TRAPPC9: variants seen among roughly 807,000 people sequenced by gnomAD.
TRAPPC9 encodes the protein IKK2 binding protein.
TRAPPC9 carries 83 observed loss-of-function variants against 124.0 expected under a neutral mutation model. The observed-to-expected ratio is 0.67, with a 90% CI of 0.56 to 0.80. The LOEUF (loss-of-function observed/expected upper bound fraction) is 0.80, where lower values mean the gene tolerates loss of function less well. Among genes scored for constraint, TRAPPC9 ranks in the 30% least tolerant of loss-of-function variants. The pLI is 0.00. For synonymous variants in TRAPPC9, 638 were observed against 617.5 expected (o/e 1.03, Z -0.49); for missense variants, 1,302 against 1,508.3 (o/e 0.86, Z 2.27).
At chr8:139,936,293 G>A (rs924017691) in intron 19 of TRAPPC9, among the ~76,000 whole-genome samples, 3 of 152,240 alleles carry the variant, frequency 2.0e-5, no homozygotes, top group African/African-American at 4.8e-5. Context: ...AGTGATTTCC[G>A]AGGCAGGCAG....
At chr8:140,120,813 CATCT>C (rs1017475865) in intron 17 of TRAPPC9, among the ~76,000 whole-genome samples, 6 of 151,344 alleles carry the variant, frequency 4.0e-5, no homozygotes, top group Admixed American at 2.0e-4. Context: ...TCCATTCATC[CATCT>C]AACATCCATC....
In TRAPPC9 at chr8:140,451,208, G is replaced by A. The variant is rs1006238101; in HGVS notation, c.166C>T (p.Arg56Cys). Residue 56 changes from arginine to cysteine, a missense_variant, in exon 2 of 23, where the codon CGC (arginine) becomes TGC (cysteine). Around this residue, in one of 3 missense-constraint regions of TRAPPC9, gnomAD observed 657 missense variants for 811.2 expected, o/e 0.81. Transcript: ENST00000438773. ...TCGGGTGGGTAGTGGTGCCTGTAGC[G>A]GATGTAGAGGACTCGCTGGGAGTCC... ...VRDSQRVLYIRYRHHYPPENN... is the reference protein window; with the variant it reads ...VRDSQRVLYICYRHHYPPENN... The A allele has an allele frequency of 1.5e-5, 25 of 1,614,026 alleles. No homozygotes were observed. The highest frequency in any genetic ancestry group is 2.2e-5 in the East Asian group (1 of 44,886).
At chr8:140,435,632 A>G (rs919125773) in intron 3 of TRAPPC9, among the ~76,000 whole-genome samples, 5 of 152,348 alleles carry the variant, frequency 3.3e-5, no homozygotes, top group African/African-American at 9.6e-5. Context: ...ACAGAGATGT[A>G]TAACAGAAAG....
intron 9 of TRAPPC9, among the ~76,000 whole-genome samples, chr8:140,332,038 A>G (rs2066906467): frequency 6.6e-6 from 1 of 152,200 alleles, no homozygotes; most frequent in Non-Finnish European, 1.5e-5. Flanking sequence ...CTACCGCAGC[A>G]CTAAGTCACA....
intron 21 of TRAPPC9, among the ~76,000 whole-genome samples, chr8:139,875,631 C>T (rs931362751): frequency 6.6e-6 from 1 of 152,358 alleles, no homozygotes; most frequent in Middle Eastern, 3.4e-3. Context: ...CCAGTTGCCA[C>T]AAGCCGTCAT....
chr8:139,956,163 T>C (rs1182744664), intron 19 of TRAPPC9, among the ~76,000 whole-genome samples: 2 of 152,034 alleles, frequency 1.3e-5, no homozygotes, highest in African/African-American at 4.8e-5. Context: ...GTTTCGTTTT[T>C]TTTTTTCTTT....
intron 7 of TRAPPC9, among the ~76,000 whole-genome samples, chr8:140,383,490 G>A (rs201715802): frequency 2.6e-5 from 4 of 152,170 alleles, no homozygotes; most frequent in African/African-American, 4.8e-5. Context: ...AGCTGAAAAC[G>A]ATGGCACGAG....
intron 21 of TRAPPC9, among the ~76,000 whole-genome samples, chr8:139,859,671 G>A (rs1828009862): frequency 6.6e-6 from 1 of 152,216 alleles, no homozygotes; most frequent in South Asian, 2.1e-4. Flanking sequence ...AGAAGCTGGG[G>A]ACATATAACA....
Position 139,876,004 on chromosome 8 carries a change from G to A in TRAPPC9, c.3055+9875C>T, listed in dbSNP as rs531643567. Among the ~76,000 whole-genome samples, 3 of 152,358 alleles carry A rather than the reference G, an allele frequency of 2.0e-5. No individual in the cohort carries two copies. The East Asian group carries it at 5.8e-4, about 29-fold the overall frequency. The stretch of plus-strand genomic sequence containing the variant: ...CATCGGTGCGGCTGTCCTACTGTCC[G>A]GCTAGTGGGAGCCGGCTTTCTCACT... On this transcript the variant is annotated intron_variant, in intron 21 of 22. Coordinates refer to ENST00000438773, the MANE Select transcript of TRAPPC9 (RefSeq NM_001160372.4).
At chr8:139,801,201 AGGGTG>A (rs1022801840) in intron 21 of TRAPPC9, among the ~76,000 whole-genome samples, 17 of 152,310 alleles carry the variant, frequency 1.1e-4, no homozygotes, top group African/African-American at 3.6e-4. Context: ...CAGAGGAATG[AGGGTG>A]GGGACAGACC....
At chr8:139,930,531 C>T (rs189502835) in intron 19 of TRAPPC9, among the ~76,000 whole-genome samples, 34 of 152,340 alleles carry the variant, frequency 2.2e-4, no homozygotes, top group African/African-American at 7.7e-4. Context: ...GAGATAGTCA[C>T]ACCCCTCTTT....
intron 17 of TRAPPC9, among the ~76,000 whole-genome samples, chr8:140,052,664 C>A (rs954589803): frequency 1.3e-5 from 2 of 152,086 alleles, no homozygotes; most frequent in Non-Finnish European, 2.9e-5. Context: ...CATCTGTAAT[C>A]CCAGCTACTC....
chr8:140,039,951 C>T (rs1841159697), intron 17 of TRAPPC9: 1 of 152,364 alleles, frequency 6.6e-6, no homozygotes, highest in South Asian at 2.1e-4. Context: ...CAGGGCTGCA[C>T]ACAGGAGGTT....
At chr8:140,322,819 CAG>C (rs1265631016) in intron 9 of TRAPPC9, among the ~76,000 whole-genome samples, 1 of 152,128 alleles carries the variant, frequency 6.6e-6, no homozygotes, top group African/African-American at 2.4e-5. Flanking sequence ...GCCTGGGAAA[CAG>C]AGTGAGATCC....
chr8:140,303,422 C>A (rs1037114305), intron 10 of TRAPPC9, among the ~76,000 whole-genome samples: 1 of 152,226 alleles, frequency 6.6e-6, no homozygotes, highest in African/African-American at 2.4e-5. Context: ...TTACTAGGGG[C>A]CTGATAGACT....
chr8:140,302,736 C>A (rs1417182630), intron 10 of TRAPPC9: 1 of 152,192 alleles, frequency 6.6e-6, no homozygotes, highest in Non-Finnish European at 1.5e-5. Flanking sequence ...GGAAACATAT[C>A]CAAGAAGAGA....
At chr8:140,037,446 C>A (rs919050061) in intron 17 of TRAPPC9, among the ~76,000 whole-genome samples, 5 of 152,138 alleles carry the variant, frequency 3.3e-5, no homozygotes, top group Admixed American at 1.3e-4. Flanking sequence ...CAAATTTCCA[C>A]ATCTGTTCTT....
intron 19 of TRAPPC9, among the ~76,000 whole-genome samples, chr8:139,928,969 G>A (rs892009963): frequency 6.6e-6 from 1 of 151,776 alleles, no homozygotes; most frequent in Admixed American, 6.6e-5. Context: ...CACGCCCCTC[G>A]ATGTTGCTTA....
At chr8:140,245,046 C>G (rs1176096382) in intron 16 of TRAPPC9, among the ~76,000 whole-genome samples, 3 of 152,042 alleles carry the variant, frequency 2.0e-5, no homozygotes, top group Non-Finnish European at 4.4e-5. Flanking sequence ...CCCCATGATT[C>G]ACCCGCCTCA....
Sources: gnomAD v4.1 joint callset for allele counts (sites outside exome capture counted in the v4.1 genomes callset) on GRCh38, gnomAD v4.1.1 for gene constraint, gnomAD v4.1.1 regional missense constraint, MANE v1.5 for transcripts, NCBI Gene and HGNC (gene_info 2026-07-23, HGNC 2026-07-21) for gene names.